Variants in ZNF706 observed in about 807,000 individuals in gnomAD.
ZNF706 encodes the protein transcriptional regulator ZNF706.
ZNF706 carries 4 observed loss-of-function variants against 9.2 expected under a neutral mutation model. The ratio of observed to expected loss-of-function variants is 0.43; its 90% CI spans 0.21 to 0.99. ZNF706 has a LOEUF of 0.99. ZNF706 is among the 50% of genes least tolerant of loss of function. The probability of loss-of-function intolerance (pLI) is 0.26; values close to 1 mark genes in which losing one functional copy is unlikely to be tolerated. For missense variants in ZNF706, 27 were observed against 87.8 expected (o/e 0.31, Z 2.77); for synonymous variants, 28 against 27.3 (o/e 1.03, Z -0.08).
rs528917014 is a variant in ZNF706, at chr8:101,201,404, A to G, written c.135+203T>C. ...GTTTTGTTCACTCTGTTTTCCCAGC[A>G]CCTAGAGATTTTTGCCTGGCCACAG... On this transcript the variant is annotated intron_variant, in intron 2 of 3. Transcript: ENST00000311212. The surrounding 1 kb of genome is among the most constrained non-coding windows in gnomAD (Gnocchi z 4.5). 9.9e-5 allele frequency: 54 copies of G among 547,642 alleles called. No homozygotes were observed. The East Asian group carries it at 1.4e-3, about 14-fold the overall frequency. The allele number at this position is 547,642 out of a possible 1,614,324, so 33.9% of individuals were successfully genotyped here. A position where few individuals can be genotyped will look rare whatever the true frequency, so the allele number is the denominator to read the frequency against.
intron 2 of ZNF706, 105 bp from the exon 3 acceptor site, chr8:101,200,202 A>G: frequency 1.2e-6 from 1 of 852,402 alleles, no homozygotes; most frequent in East Asian, 2.8e-5. Flanking sequence ...TATCCCAAAA[A>G]CACCTTTAAA....
At chr8:101,202,930 T>A (rs1810615900) in intron 1 of ZNF706, 1 of 152,232 alleles carries the variant, frequency 6.6e-6, no homozygotes, top group Admixed American at 6.5e-5. Flanking sequence ...GGAAACTGTT[T>A]TCTTACTTAG....
rs546914421 is a variant in ZNF706, at chr8:101,204,868, A to G, written c.-3+567T>C. On this transcript the variant is annotated intron_variant, in intron 1 of 3. Transcript: ENST00000311212. The stretch of plus-strand genomic sequence containing the variant: ...TTCTCCATAACCATCGGAAAGGAAG[A>G]GGCCCAGGCAGCGCTCCACATCCTG... 2.9e-3 allele frequency: 2,903 copies of G among 985,708 alleles called. 4 individuals are homozygous for G. Among genetic ancestry groups the G allele is most frequent in the Non-Finnish European group, 3.4e-3 (2,815 of 830,172 alleles). 61.1% of individuals were successfully genotyped at this position (985,708 alleles called of 1,614,324 possible). A position where few individuals can be genotyped will look rare whatever the true frequency, so the allele number is the denominator to read the frequency against.
At position 101,199,224 on chromosome 8, in the gene ZNF706, G is replaced by A. The variant is rs970581804; in HGVS notation, c.*28C>T. The A allele has an allele frequency of 1.0e-5, 7 of 701,822 alleles. No homozygotes were observed. Among genetic ancestry groups the A allele is most frequent in the Admixed American group, 4.0e-5 (2 of 49,956 alleles). The allele number at this position is 701,822 out of a possible 1,614,324, so 43.5% of individuals were successfully genotyped here. A position where few individuals can be genotyped will look rare whatever the true frequency, so the allele number is the denominator to read the frequency against. On this transcript the variant is annotated 3_prime_UTR_variant, in exon 4 of 4. Transcript: ENST00000311212. ...GGTCTGAGACAGTAGAAGAGTCAAAGGTGTCATGAATTCACCTATAAAACA... is the reference window on the plus strand; with the variant it reads ...GGTCTGAGACAGTAGAAGAGTCAAAAGTGTCATGAATTCACCTATAAAACA...
intron 1 of ZNF706, chr8:101,202,195 C>A (rs1230804473): frequency 1.4e-5 from 2 of 147,020 alleles, no homozygotes; most frequent in Non-Finnish European, 2.9e-5. Context: ...AATCCCAGCA[C>A]TTTGGAAAGC....
In ZNF706 at chr8:101,201,364, G is replaced by A; in HGVS notation, c.135+243C>T. Reference sequence around the variant, plus strand: ...TTATGAAGACATCTTTATTTTATATGAGGAAAGCAATTTTGTTTTGTTCAC... The same window carrying A: ...TTATGAAGACATCTTTATTTTATATAAGGAAAGCAATTTTGTTTTGTTCAC... On this transcript the variant is annotated intron_variant, in intron 2 of 3. Coordinates refer to ENST00000311212, the MANE Select transcript of ZNF706 (RefSeq NM_016096.5). This position sits in a 1 kb window ranked among gnomAD's most constrained non-coding sequence, Gnocchi z 4.5. 4.2e-6 allele frequency: 2 copies of A among 473,742 alleles called. No homozygotes were observed. Among genetic ancestry groups the A allele is most frequent in the Non-Finnish European group, 7.4e-6 (2 of 268,646 alleles). The allele number at this position is 473,742 out of a possible 1,614,324, so 29.3% of individuals were successfully genotyped here. A position where few individuals can be genotyped will look rare whatever the true frequency, so the allele number is the denominator to read the frequency against.
chr8:101,206,165 C>A (rs1000661161), upstream of ZNF706: 1 of 152,254 alleles, frequency 6.6e-6, no homozygotes, highest in Non-Finnish European at 1.5e-5. Context: ...CCCGGAGCCC[C>A]GCCACCCAGG....
In ZNF706 at chr8:101,200,000, C is replaced by T. The variant is rs761245195; in HGVS notation, c.*2G>A. ...AAAGAGGTGAGTTACCTGTAAACAACCTTATGCCTGAACATCAGCTAATTC... is the reference window on the plus strand; with the variant it reads ...AAAGAGGTGAGTTACCTGTAAACAATCTTATGCCTGAACATCAGCTAATTC... On this transcript the variant is annotated 3_prime_UTR_variant, in exon 3 of 4. Coordinates refer to ENST00000311212, the MANE Select transcript of ZNF706 (RefSeq NM_016096.5). 1.2e-6 allele frequency: 2 copies of T among 1,610,826 alleles called. No individual in the cohort carries two copies. The highest frequency in any genetic ancestry group is 2.2e-5 in the South Asian group (2 of 90,956).
At position 101,198,459 on chromosome 8, in the gene ZNF706, CA is replaced by C. The variant is rs1554635223; in HGVS notation, c.*792del. On this transcript the variant is annotated 3_prime_UTR_variant, in exon 4 of 4. Coordinates refer to ENST00000311212, the MANE Select transcript of ZNF706 (RefSeq NM_016096.5). ...ATATAGTATCAAGATCGACCTTTAC[CA>C]GTTCACATTTGTTCCATATTTTGCA... is the stretch of plus-strand genomic sequence containing the variant. 1 of 152,088 alleles carries C rather than the reference CA, an allele frequency of 6.6e-6. No homozygotes were observed. Among genetic ancestry groups the C allele is most frequent in the Non-Finnish European group, 1.5e-5 (1 of 67,996 alleles). 9.4% of individuals were successfully genotyped at this position (152,088 alleles called of 1,614,324 possible). A position where few individuals can be genotyped will look rare whatever the true frequency, so the allele number is the denominator to read the frequency against.
chr8:101,202,465 T>C (rs1034172991), intron 1 of ZNF706: 2 of 151,676 alleles, frequency 1.3e-5, no homozygotes, highest in East Asian at 1.9e-4. Context: ...CAAAAATAAA[T>C]AAACAAACAC....
chr8:101,200,227 T>C, intron 2 of ZNF706, 130 bp from the exon 3 acceptor site: 1 of 665,932 alleles, frequency 1.5e-6, no homozygotes, highest in Admixed American at 2.7e-5. Context: ...TACAACTTAG[T>C]GACTGGCATA....
At chr8:101,204,187 A>G (rs1005797605) in intron 1 of ZNF706, 1 of 152,250 alleles carries the variant, frequency 6.6e-6, no homozygotes, top group African/African-American at 2.4e-5. Context: ...GTTACTAGCT[A>G]TTTTGATATT....
chr8:101,198,811 C>T lies in ZNF706; in HGVS notation c.*441G>A, dbSNP rs1272495465. 2 of 158,730 alleles carry T rather than the reference C, an allele frequency of 1.3e-5. No homozygotes were observed. The highest frequency in any genetic ancestry group is 1.3e-4 in the Admixed American group (2 of 15,656). 9.8% of individuals were successfully genotyped at this position (158,730 alleles called of 1,614,324 possible). A position where few individuals can be genotyped will look rare whatever the true frequency, so the allele number is the denominator to read the frequency against. On this transcript the variant is annotated 3_prime_UTR_variant, in exon 4 of 4. Transcript: ENST00000311212. The stretch of plus-strand genomic sequence containing the variant: ...TGCTCTAGTTTAACTGAGGAACCTG[C>T]CACTGAGCAGAGAAAGGGATATAAG...
Position 101,198,323 on chromosome 8 carries a change from C to T in ZNF706, c.*929G>A, listed in dbSNP as rs569945785. The T allele has an allele frequency of 6.6e-6, 1 of 152,224 alleles. No homozygotes were observed. Among genetic ancestry groups the T allele is most frequent in the Non-Finnish European group, 1.5e-5 (1 of 68,032 alleles). 9.4% of individuals were successfully genotyped at this position (152,224 alleles called of 1,614,324 possible). ...TAATCCAGCCACAAGTCATTCCAAT[C>T]TTCCTGTTAATGCAAAATCCATTTG... On this transcript the variant is annotated 3_prime_UTR_variant, in exon 4 of 4. Coordinates refer to ENST00000311212, the MANE Select transcript of ZNF706 (RefSeq NM_016096.5).
At position 101,198,211 on chromosome 8, in the gene ZNF706, GTC is replaced by G. The variant is rs1171868138; in HGVS notation, c.*1039_*1040del. On this transcript the variant is annotated 3_prime_UTR_variant, in exon 4 of 4. Coordinates refer to ENST00000311212, the MANE Select transcript of ZNF706 (RefSeq NM_016096.5). ...CAGATGGAAGTCATACTGTACACCA[GTC>G]TCTGATTTTAGGTAACAGCACAAAG... The G allele has an allele frequency of 1.3e-5, 2 of 152,130 alleles. No individual in the cohort carries two copies. Among genetic ancestry groups the G allele is most frequent in the Non-Finnish European group, 2.9e-5 (2 of 68,018 alleles). 9.4% of individuals were successfully genotyped at this position (152,130 alleles called of 1,614,324 possible).
chr8:101,206,033 C>A (rs1039156791), upstream of ZNF706: 2 of 152,216 alleles, frequency 1.3e-5, no homozygotes, highest in Admixed American at 6.5e-5. Context: ...GGGCCTCAGG[C>A]GCTGCGACCC....
rs1810708037 is a variant in ZNF706, at chr8:101,205,155, C to T, written c.-3+280G>A. 6.4e-6 allele frequency: 1 copy of T among 157,116 alleles called. No individual in the cohort carries two copies. Among genetic ancestry groups the T allele is most frequent in the Non-Finnish European group, 1.4e-5 (1 of 72,450 alleles). The allele number at this position is 157,116 out of a possible 1,614,324, so 9.7% of individuals were successfully genotyped here. ...GCCCGAAACCCGGCCCCTGCGTCCA[C>T]CGGGAGCGCCACACTCTGGCAGCTG... On this transcript the variant is annotated intron_variant, in intron 1 of 3. Coordinates refer to ENST00000311212, the MANE Select transcript of ZNF706 (RefSeq NM_016096.5). This position sits in a 1 kb window ranked among gnomAD's most constrained non-coding sequence, Gnocchi z 6.6.
chr8:101,204,619 T>G, intron 1 of ZNF706: 1 of 985,386 alleles, frequency 1.0e-6, no homozygotes, highest in Non-Finnish European at 1.2e-6. Flanking sequence ...TGCGACAAAC[T>G]GGAGGGAAAA....
At position 101,205,016 on chromosome 8, in the gene ZNF706, C is replaced by A. The variant is rs1810701120; in HGVS notation, c.-3+419G>T. On this transcript the variant is annotated intron_variant, in intron 1 of 3. Coordinates refer to ENST00000311212, the MANE Select transcript of ZNF706 (RefSeq NM_016096.5). This position sits in a 1 kb window ranked among gnomAD's most constrained non-coding sequence, Gnocchi z 6.6. ...TGGCGCACCTTCCTTCCCAAACCCG[C>A]CTCTCCCGCCTCGGAGACCCCCTCC... 4 of 909,586 alleles carry A rather than the reference C, an allele frequency of 4.4e-6. No homozygotes were observed. Among genetic ancestry groups the A allele is most frequent in the Non-Finnish European group, 5.3e-6 (4 of 760,788 alleles). 56.3% of individuals were successfully genotyped at this position (909,586 alleles called of 1,614,324 possible). A position where few individuals can be genotyped will look rare whatever the true frequency, so the allele number is the denominator to read the frequency against.
Sources: gnomAD v4.1 joint callset for allele counts on GRCh38, gnomAD v4.1.1 for gene constraint, Gnocchi (gnomAD v3.1) non-coding constraint, MANE v1.5 for transcripts, NCBI Gene and HGNC (gene_info 2026-07-23, HGNC 2026-07-21) for gene names.